COL1A2: variants seen among roughly 807,000 people sequenced by gnomAD.
COL1A2 encodes the protein collagen alpha-2(I) chain.
A neutral mutation model predicts 174.3 loss-of-function variants in COL1A2; 49 were observed. The observed-to-expected ratio is 0.28, with a 90% CI of 0.22 to 0.36. The LOEUF (loss-of-function observed/expected upper bound fraction) is 0.36. Ranked by LOEUF, COL1A2 falls within the 10% of genes least tolerant of loss-of-function variation. The pLI, the probability that COL1A2 is intolerant of heterozygous loss-of-function variation, is 1.00. For missense variants in COL1A2, 1,438 were observed against 1,822.7 expected, an observed-to-expected ratio of 0.79 and a Z score of 3.84; for synonymous variants, 655 against 606.6, an observed-to-expected ratio of 1.08 and a Z score of -1.17.
At chr7:94,417,387 T>TA in intron 31 of COL1A2, 1 of 353,850 alleles carries the variant, frequency 2.8e-6, no homozygotes, top group Non-Finnish European at 5.5e-6. Context: ...CTAAGAGACT[T>TA]ATCCTTGAAA....
chr7:94,427,666 G>T lies in COL1A2; in HGVS notation c.3307G>T (p.Val1103Leu). Reference protein sequence around the residue: ...GPPGPPGPPGVSGGGYDFGYD... With the variant: ...GPPGPPGPPGLSGGGYDFGYD... ...CCCTGGCCCTCCTGGACCTCCAGGT[G>T]TAAGCGGTGGTGGTTATGACTTTGG... is the stretch of plus-strand genomic sequence containing the variant. The change falls in exon 49 of 52, where the codon GTA becomes TTA. Residue 1103 changes from valine (V) to leucine (L), a missense_variant. Transcript: ENST00000297268. The T allele has an allele frequency of 6.2e-7, 1 of 1,614,154 alleles. No individual in the cohort carries two copies. The highest frequency in any genetic ancestry group is 8.5e-7 in the Non-Finnish European group (1 of 1,180,014).
chr7:94,430,230 T>C lies in COL1A2; in HGVS notation c.3955-17T>C. The stretch of plus-strand genomic sequence containing the variant: ...AATAGTGATGCTTTGTGTATCTATT[T>C]TCTTCTCTTTAAACAGAAAAAGACA... On this transcript the variant is annotated splice_polypyrimidine_tract_variant and intron_variant, in intron 51 of 51. Coordinates refer to ENST00000297268, the MANE Select transcript of COL1A2 (RefSeq NM_000089.4). The C allele has an allele frequency of 1.2e-6, 2 of 1,611,450 alleles. No homozygotes were observed. Among genetic ancestry groups the C allele is most frequent in the Non-Finnish European group, 1.7e-6 (2 of 1,177,704 alleles).
In COL1A2 at chr7:94,430,763, G is replaced by C. The variant is rs1792385499; in HGVS notation, c.*370G>C. ...GAAGTTTAAAACCCAAACTTCCAAA[G>C]GTTTAAACTACCTCAAAACACTTTC... On this transcript the variant is annotated 3_prime_UTR_variant, in exon 52 of 52. Coordinates refer to ENST00000297268, the MANE Select transcript of COL1A2 (RefSeq NM_000089.4). The C allele has an allele frequency of 3.9e-6, 1 of 258,764 alleles. No individual in the cohort carries two copies. Among genetic ancestry groups the C allele is most frequent in the South Asian group, 4.7e-5 (1 of 21,404 alleles). 16.0% of individuals were successfully genotyped at this position (258,764 alleles called of 1,614,324 possible). A position where few individuals can be genotyped will look rare whatever the true frequency, so the allele number is the denominator to read the frequency against.
Position 94,427,641 on chromosome 7 carries a change from C to G in COL1A2, c.3282C>G (p.Pro1094=), listed in dbSNP as rs753082771. 4 of 1,614,100 alleles carry G rather than the reference C, an allele frequency of 2.5e-6. No individual in the cohort carries two copies. In the South Asian group the frequency reaches 4.4e-5, roughly 18 times the overall value. ...GHQGPAGPPG[P]PGPPGPPGVS... ...CACCTTTGCAGGGCCCCCCTGGTCCCCCTGGCCCTCCTGGACCTCCAGGTG... is the reference window on the plus strand; with the variant it reads ...CACCTTTGCAGGGCCCCCCTGGTCCGCCTGGCCCTCCTGGACCTCCAGGTG... Residue 1094 remains proline, a synonymous_variant, in exon 49 of 52, where the codon CCC becomes CCG. Coordinates refer to ENST00000297268, the MANE Select transcript of COL1A2 (RefSeq NM_000089.4).
At chr7:94,430,188 A>T in intron 51 of COL1A2, 59 bp from the exon 52 acceptor site, 2 of 1,528,030 alleles carry the variant, frequency 1.3e-6, no homozygotes, top group Non-Finnish European at 9.1e-7. Context: ...AAAGGTTCAG[A>T]TATTATCAGA....
chr7:94,420,298 C>A lies in COL1A2; in HGVS notation c.2133+12C>A, dbSNP rs554520173. 201 of 1,614,022 alleles carry A rather than the reference C, an allele frequency of 1.2e-4. 1 individual carries two copies. In the South Asian group the frequency reaches 2.1e-3, roughly 16 times the overall value. ...CTCGGGGAAGCCCTGTAAGTAAGAA[C>A]CTGGGTCATTTTGTATACTCACACC... On this transcript the variant is annotated intron_variant, in intron 35 of 51. Transcript: ENST00000297268.
intron 31 of COL1A2, chr7:94,417,370 A>C (rs1792063519): frequency 9.3e-6 from 3 of 322,068 alleles, no homozygotes; most frequent in South Asian, 2.9e-5. Flanking sequence ...CATGCTTTCT[A>C]TCTGGGCTAA....
rs113948191 is a variant in COL1A2 at position 94,420,946 on chromosome 7, G to A, written c.2296-63G>A. 15 of 1,475,816 alleles carry A rather than the reference G, an allele frequency of 1.0e-5. No individual in the cohort carries two copies. The African/African-American group carries it at 1.2e-4, about 12-fold the overall frequency. 91.4% of individuals were successfully genotyped at this position (1,475,816 alleles called of 1,614,324 possible). Reference sequence around the variant, plus strand: ...GAGATGCGGGAATGATCCACTTGAAGAAAAGAGTAGCATTTACAAGGGTTT... The same window carrying A: ...GAGATGCGGGAATGATCCACTTGAAAAAAAGAGTAGCATTTACAAGGGTTT... On this transcript the variant is annotated intron_variant, in intron 37 of 51. Transcript: ENST00000297268.
rs764523720 is a variant in COL1A2, at chr7:94,411,052, A to G, written c.1252-4A>G. 1.3e-6 allele frequency: 2 copies of G among 1,586,668 alleles called. No individual in the cohort carries two copies. The highest frequency in any genetic ancestry group is 1.1e-5 in the South Asian group (1 of 89,006). ...CTATCTGTTTTTTTTTTTTTTTTGA[A>G]TAGGGCCCTCCTGGTAGTCGTGGTG... On this transcript the variant is annotated splice_polypyrimidine_tract_variant and splice_region_variant and intron_variant, in intron 22 of 51. Coordinates refer to ENST00000297268, the MANE Select transcript of COL1A2 (RefSeq NM_000089.4).
intron 39 of COL1A2, chr7:94,422,170 C>G (rs937846705): frequency 1.6e-5 from 7 of 450,516 alleles, no homozygotes; most frequent in Non-Finnish European, 2.7e-5. Flanking sequence ...GAACACCAGT[C>G]CCCTTTCAGG....
rs568235247 is a variant in COL1A2 at position 94,405,807 on chromosome 7, G to A, written c.540+81G>A. The A allele has an allele frequency of 2.8e-6, 3 of 1,081,788 alleles. No homozygotes were observed. In the East Asian group the frequency reaches 7.1e-5, roughly 25 times the overall value. The allele number at this position is 1,081,788 out of a possible 1,614,324, so 67.0% of individuals were successfully genotyped here. A position where few individuals can be genotyped will look rare whatever the true frequency, so the allele number is the denominator to read the frequency against. On this transcript the variant is annotated intron_variant, in intron 11 of 51. Transcript: ENST00000297268. Reference sequence around the variant, plus strand: ...CTCAAGTATGTTTAAAATCTTGGGTGACATATACTCACTTTCAAATCCCTG... The same window carrying A: ...CTCAAGTATGTTTAAAATCTTGGGTAACATATACTCACTTTCAAATCCCTG...
In COL1A2 at chr7:94,409,396, C is replaced by A. The variant is rs748381000; in HGVS notation, c.867C>A (p.Gly289=). The change falls in exon 17 of 52, where the codon GGC becomes GGA. Residue 289 remains glycine (G), a synonymous_variant. Transcript: ENST00000297268. ...CCCGTGGTGAAGTGGGTCTTCCAGG[C>A]CTCTCCGGCCCCGTTGGACCTCCTG... ...AGPRGEVGLP[G]LSGPVGPPGN... 1.9e-6 allele frequency: 3 copies of A among 1,614,186 alleles called. No homozygotes were observed. The East Asian group carries it at 6.7e-5, about 36-fold the overall frequency.
intron 33 of COL1A2, 165 bp from the exon 34 acceptor site, chr7:94,419,333 G>A (rs1792104547): frequency 2.7e-6 from 2 of 750,624 alleles, no homozygotes; most frequent in African/African-American, 1.7e-5. Context: ...GCTTCTAATA[G>A]TCTTGTTAAT....
chr7:94,424,704 T>G, intron 41 of COL1A2: 1 of 502,560 alleles, frequency 2.0e-6, no homozygotes, highest in South Asian at 2.1e-5. Context: ...AATCTCTAAT[T>G]GCGTTTACTC....
intron 41 of COL1A2, 132 bp from the exon 42 acceptor site, chr7:94,424,985 T>G: frequency 1.3e-6 from 1 of 761,244 alleles, no homozygotes; most frequent in Admixed American, 2.0e-5. Flanking sequence ...TTCTTACCAT[T>G]GTGTGACCCA....
At chr7:94,404,135 T>C (rs1310118036) in intron 6 of COL1A2, among the ~76,000 whole-genome samples, 1 of 152,178 alleles carries the variant, frequency 6.6e-6, no homozygotes, top group East Asian at 1.9e-4. Flanking sequence ...TTTGTGGCAA[T>C]AAAAATACCA....
At chr7:94,423,470 CTG>C in intron 40 of COL1A2, 1 of 349,968 alleles carries the variant, frequency 2.9e-6, no homozygotes, top group Non-Finnish European at 5.5e-6. Flanking sequence ...TAAACATACA[CTG>C]TCCAGTATTA....
chr7:94,400,226 G>A lies in COL1A2; in HGVS notation c.163G>A (p.Glu55Lys). Reference sequence around the variant, plus strand: ...ACCAGGCCCCCCAGGCAGAGATGGTGAAGATGGTCCCACAGGCCCTCCTGG... The same window carrying A: ...ACCAGGCCCCCCAGGCAGAGATGGTAAAGATGGTCCCACAGGCCCTCCTGG... ...GPPGPPGRDG[E>K]DGPTGPPGPP... The change falls in exon 5 of 52, where the codon GAA (glutamate) becomes AAA (lysine). Residue 55 changes from glutamate (E) to lysine (K), a missense_variant. Coordinates refer to ENST00000297268, the MANE Select transcript of COL1A2 (RefSeq NM_000089.4). The A allele has an allele frequency of 2.5e-6, 4 of 1,612,702 alleles. No homozygotes were observed. The highest frequency in any genetic ancestry group is 2.7e-5 in the African/African-American group (2 of 74,554).
At chr7:94,402,379 A>T (rs1455446941) in intron 6 of COL1A2, among the ~76,000 whole-genome samples, 1 of 152,136 alleles carries the variant, frequency 6.6e-6, no homozygotes. Flanking sequence ...GACCAAAAAA[A>T]TCCTTTTTTA....
Sources: gnomAD v4.1 joint callset for allele counts (sites outside exome capture counted in the v4.1 genomes callset) on GRCh38, gnomAD v4.1.1 for gene constraint, MANE v1.5 for transcripts, NCBI Gene and HGNC (gene_info 2026-07-23, HGNC 2026-07-21) for gene names.